The following DLGAP2 variants were observed in gnomAD, a reference collection of about 807,000 sequenced individuals.
DLGAP2 encodes DLG associated protein 2.
A neutral mutation model predicts 100.3 loss-of-function variants in DLGAP2; 26 were observed. The observed-to-expected ratio is 0.26, with a 90% CI of 0.19 to 0.36. The LOEUF is 0.36. DLGAP2 is among the 10% of genes least tolerant of loss of function. DLGAP2 has a pLI of 1.00. For synonymous variants in DLGAP2, 886 were observed against 630.1 expected (o/e 1.41, Z -6.08); for missense variants, 1,858 against 1,453.2 (o/e 1.28, Z -4.53).
intron 2 of DLGAP2, among the ~76,000 whole-genome samples, chr8:1,174,142 G>A (rs972629946): frequency 2.0e-5 from 3 of 152,134 alleles, no homozygotes; most frequent in Non-Finnish European, 2.9e-5. Context: ...AGTCGGGCTG[G>A]AACTGGGTAT....
intron 3 of DLGAP2, among the ~76,000 whole-genome samples, chr8:1,422,352 G>A (rs534410442): frequency 8.1e-4 from 124 of 152,228 alleles, no homozygotes; most frequent in African/African-American, 2.7e-3. Flanking sequence ...TGAAATTTCC[G>A]TCCACTGCAA....
intron 8 of DLGAP2, among the ~76,000 whole-genome samples, chr8:1,658,533 C>T (rs1798336611): frequency 6.6e-6 from 1 of 152,124 alleles, no homozygotes; most frequent in East Asian, 1.9e-4. Context: ...TGTTATTGCT[C>T]TATTCAGGGA....
At chr8:1,233,438 C>A (rs1585174390) in intron 2 of DLGAP2, among the ~76,000 whole-genome samples, 1 of 152,332 alleles carries the variant, frequency 6.6e-6, no homozygotes, top group East Asian at 1.9e-4. Flanking sequence ...TTGCAAACGT[C>A]CTGCCTACCA....
chr8:1,509,842 C>T (rs187535338), intron 4 of DLGAP2, among the ~76,000 whole-genome samples: 8 of 152,332 alleles, frequency 5.3e-5, no homozygotes, highest in Admixed American at 5.2e-4. Flanking sequence ...TCATTGTCAT[C>T]ATTGCTCATA....
At chr8:739,906 G>A (rs1283622489) in intron 1 of DLGAP2, 1 of 152,240 alleles carries the variant, frequency 6.6e-6, no homozygotes, top group Non-Finnish European at 1.5e-5. Flanking sequence ...GTGACACAGA[G>A]CCGGCCCTGT....
chr8:1,509,031 C>T (rs1165803185), intron 4 of DLGAP2, among the ~76,000 whole-genome samples: 3 of 152,088 alleles, frequency 2.0e-5, no homozygotes, highest in African/African-American at 7.2e-5. Context: ...AACAAAAATA[C>T]AACAGAGAAG....
chr8:966,836 T>G (rs1016703737), intron 2 of DLGAP2, among the ~76,000 whole-genome samples: 2 of 152,246 alleles, frequency 1.3e-5, no homozygotes, highest in African/African-American at 4.8e-5. Context: ...TTTCCACGCC[T>G]GTAAAATAAA....
At chr8:1,150,779 G>C (rs529386369) in intron 2 of DLGAP2, among the ~76,000 whole-genome samples, 2 of 152,156 alleles carry the variant, frequency 1.3e-5, no homozygotes, top group South Asian at 4.1e-4. Flanking sequence ...ACATAGATGA[G>C]TTCTTAAAAA....
At chr8:1,673,235 G>C (rs138988022) in intron 10 of DLGAP2, among the ~76,000 whole-genome samples, 91 of 152,292 alleles carry the variant, frequency 6.0e-4, no homozygotes, top group African/African-American at 2.1e-3. Flanking sequence ...GCCTTGCAGA[G>C]CACTGGGATT....
intron 2 of DLGAP2, among the ~76,000 whole-genome samples, chr8:1,038,821 C>A (rs1165709937): frequency 6.6e-6 from 1 of 152,142 alleles, no homozygotes; most frequent in Non-Finnish European, 1.5e-5. Flanking sequence ...ATGGAAACAT[C>A]CATGTTTTTT....
At chr8:1,352,688 C>T (rs1331660972) in intron 3 of DLGAP2, among the ~76,000 whole-genome samples, 1 of 152,172 alleles carries the variant, frequency 6.6e-6, no homozygotes, top group Non-Finnish European at 1.5e-5. Flanking sequence ...GTCCACGTTC[C>T]TTCTTTACAT....
intron 4 of DLGAP2, among the ~76,000 whole-genome samples, chr8:1,548,262 C>A (rs1422051201): frequency 6.6e-6 from 1 of 151,918 alleles, no homozygotes; most frequent in Non-Finnish European, 1.5e-5. Context: ...GAGTTTGAAA[C>A]TAGCCTGACC....
chr8:1,285,108 A>T (rs186582271), intron 3 of DLGAP2, among the ~76,000 whole-genome samples: 96 of 152,098 alleles, frequency 6.3e-4, no homozygotes, highest in Non-Finnish European at 1.1e-3. Context: ...CATATTTTTT[A>T]TGTAATTGAA....
chr8:1,590,039 G>T (rs1186334711), intron 6 of DLGAP2, among the ~76,000 whole-genome samples: 2 of 152,152 alleles, frequency 1.3e-5, no homozygotes, highest in African/African-American at 4.8e-5. Flanking sequence ...ACGTCTCTAG[G>T]GGAGGATCCC....
At chr8:1,518,306 A>G (rs917376385) in intron 4 of DLGAP2, among the ~76,000 whole-genome samples, 3 of 152,202 alleles carry the variant, frequency 2.0e-5, no homozygotes, top group Admixed American at 6.5e-5. Context: ...GCCAGGACAC[A>G]GCACATTAGC....
intron 1 of DLGAP2, among the ~76,000 whole-genome samples, chr8:846,358 G>C (rs369680968): frequency 6.6e-6 from 1 of 152,134 alleles, no homozygotes; most frequent in African/African-American, 2.4e-5. Flanking sequence ...TTGGCTTTCT[G>C]AGATTCTGCA....
intron 8 of DLGAP2, among the ~76,000 whole-genome samples, chr8:1,641,034 G>A (rs1563274632): frequency 1.3e-5 from 2 of 152,112 alleles, no homozygotes; most frequent in Non-Finnish European, 2.9e-5. Context: ...CCTGGCTGTG[G>A]GGAAGGAGAA....
chr8:1,272,745 G>A (rs966092797), intron 3 of DLGAP2, among the ~76,000 whole-genome samples: 60 of 152,176 alleles, frequency 3.9e-4, no homozygotes, highest in African/African-American at 1.4e-3. Flanking sequence ...TGTAGGACTC[G>A]GACCACGGGT....
At chr8:923,316 T>G (rs563141159) in intron 2 of DLGAP2, among the ~76,000 whole-genome samples, 2 of 152,182 alleles carry the variant, frequency 1.3e-5, no homozygotes, top group Non-Finnish European at 2.9e-5. Flanking sequence ...CTTTCTCTCC[T>G]GTGTCACGTC....
Sources: gnomAD v4.1 joint callset for allele counts (sites outside exome capture counted in the v4.1 genomes callset) on GRCh38, gnomAD v4.1.1 for gene constraint, MANE v1.5 for transcripts, NCBI Gene and HGNC (gene_info 2026-07-23, HGNC 2026-07-21) for gene names.